EHBP1: variants seen among roughly 807,000 people sequenced by gnomAD.
EHBP1 encodes the protein EH domain-binding protein 1.
A neutral mutation model predicts 144.0 loss-of-function variants in EHBP1; 55 were observed. The observed-to-expected ratio is 0.38, with a 90% confidence interval of 0.31 to 0.48. The LOEUF (loss-of-function observed/expected upper bound fraction) is 0.48. EHBP1 is among the 20% of genes least tolerant of loss of function. EHBP1 has a pLI of 0.98. For synonymous variants in EHBP1, 469 were observed against 472.7 expected (o/e 0.99, Z 0.10); for missense variants, 1,200 against 1,364.2 (o/e 0.88, Z 1.90).
At chr2:62,738,409 C>T (rs995205494) in intron 2 of EHBP1, among the ~76,000 whole-genome samples, 10 of 152,138 alleles carry the variant, frequency 6.6e-5, no homozygotes, top group Non-Finnish European at 1.3e-4. Context: ...GTCCTTCCCG[C>T]ACCTTCCCTT....
intron 15 of EHBP1, among the ~76,000 whole-genome samples, chr2:62,980,610 C>T (rs1380566206): frequency 6.6e-6 from 1 of 152,040 alleles, no homozygotes. Context: ...TCTTCCATCT[C>T]ATAAATTTGA....
rs573047037 is a variant in EHBP1, at chr2:62,878,853, A to G, written c.1185+4321A>G. 9.2e-5 allele frequency among the ~76,000 whole-genome samples: 14 copies of G among 152,096 alleles called. No individual in the cohort carries two copies. In the South Asian group the frequency reaches 2.7e-3, roughly 29 times the overall value. On this transcript the variant is annotated intron_variant, in intron 10 of 22. Transcript: ENST00000431489. ...GAGAAATTGAAATTTCACCGTCTCT[A>G]CTAAAAATGCAAAAATTAGCCAGGT... is the stretch of plus-strand genomic sequence containing the variant.
chr2:62,866,978 T>G (rs1231983869), intron 9 of EHBP1, among the ~76,000 whole-genome samples: 1 of 151,986 alleles, frequency 6.6e-6, no homozygotes, highest in Non-Finnish European at 1.5e-5. Flanking sequence ...CTTAAAGGAC[T>G]GAAGGAAAAG....
chr2:63,014,053 C>T (rs1167182635), intron 19 of EHBP1, among the ~76,000 whole-genome samples: 1 of 152,192 alleles, frequency 6.6e-6, no homozygotes, highest in Non-Finnish European at 1.5e-5. Flanking sequence ...AAGTACTCCG[C>T]ATTAGCAGTT....
chr2:62,845,382 G>C (rs889711720), intron 7 of EHBP1, among the ~76,000 whole-genome samples: 4 of 152,150 alleles, frequency 2.6e-5, no homozygotes, highest in Non-Finnish European at 5.9e-5. Flanking sequence ...AAGGAAGAGA[G>C]AGTGACATAT....
At chr2:62,737,797 T>C (rs1024491343) in intron 2 of EHBP1, among the ~76,000 whole-genome samples, 2 of 152,154 alleles carry the variant, frequency 1.3e-5, no homozygotes, top group African/African-American at 4.8e-5. Flanking sequence ...AGGGTCTTGC[T>C]TTGTCAGCCA....
At chr2:62,987,729 A>C (rs1018063670) in intron 15 of EHBP1, among the ~76,000 whole-genome samples, 66 of 152,276 alleles carry the variant, frequency 4.3e-4, no homozygotes, top group African/African-American at 1.5e-3. Flanking sequence ...GTGATAATTC[A>C]TGTTTGACAT....
chr2:62,744,732 AT>A (rs141316559), intron 2 of EHBP1, among the ~76,000 whole-genome samples: 1 of 152,002 alleles, frequency 6.6e-6, no homozygotes, highest in South Asian at 2.1e-4. Context: ...AAAAGCTTTC[AT>A]TTTCTGAAGC....
chr2:62,822,085 A>T lies in EHBP1; in HGVS notation c.313-4002A>T, dbSNP rs546845831. Among the ~76,000 whole-genome samples the T allele has an allele frequency of 3.3e-5, 5 of 152,296 alleles. No individual in the cohort carries two copies. In the South Asian group the frequency reaches 1.0e-3, roughly 32 times the overall value. ...TAGGTCTTATTCATTCATTCTAACC[A>T]AAAGTTTTTTTTTAACGATGTTTAA... On this transcript the variant is annotated intron_variant, in intron 5 of 22. Coordinates refer to ENST00000431489, the MANE Select transcript of EHBP1 (RefSeq NM_001142616.3).
intron 2 of EHBP1, among the ~76,000 whole-genome samples, chr2:62,711,257 T>G (rs2035121122): frequency 6.6e-6 from 1 of 152,240 alleles, no homozygotes; most frequent in African/African-American, 2.4e-5. Flanking sequence ...CAGTGAGTTT[T>G]GACAATTTTA....
In EHBP1 at chr2:62,943,941, G is replaced by C. The variant is rs1003721727; in HGVS notation, c.1413+91G>C. ...TTTGGAGAAAGTGAGGCAGTTTTAT[G>C]AGGTCATAACTACAACTCACAGAGG... On this transcript the variant is annotated intron_variant, in intron 12 of 22. Transcript: ENST00000431489. 10 of 910,702 alleles carry C rather than the reference G, an allele frequency of 1.1e-5. No homozygotes were observed. The African/African-American group carries it at 1.7e-4, about 15-fold the overall frequency. The allele number at this position is 910,702 out of a possible 1,614,324, so 56.4% of individuals were successfully genotyped here.
chr2:62,943,951 C>T (rs1209583376), intron 12 of EHBP1, 101 bp downstream of exon 12: 4 of 749,070 alleles, frequency 5.3e-6, no homozygotes, highest in Non-Finnish European at 6.6e-6. Context: ...GAGGTCATAA[C>T]TACAACTCAC....
chr2:62,678,526 C>T (rs1286799323), intron 1 of EHBP1, among the ~76,000 whole-genome samples: 1 of 152,074 alleles, frequency 6.6e-6, no homozygotes, highest in Non-Finnish European at 1.5e-5. Flanking sequence ...CTAGGGCCAG[C>T]ATTAGAGAAT....
intron 19 of EHBP1, among the ~76,000 whole-genome samples, chr2:63,006,050 G>T (rs114782543): frequency 6.6e-6 from 1 of 152,034 alleles, no homozygotes; most frequent in African/African-American, 2.4e-5. Context: ...AGCTTTCCTA[G>T]ATCATCCCAC....
intron 14 of EHBP1, among the ~76,000 whole-genome samples, chr2:62,963,289 T>G (rs2058086508): frequency 1.3e-5 from 2 of 152,158 alleles, no homozygotes; most frequent in South Asian, 4.1e-4. Flanking sequence ...ACTTTTGATG[T>G]TGATTGGAAA....
chr2:62,858,571 A>T, intron 7 of EHBP1: 1 of 1,058,348 alleles, frequency 9.4e-7, no homozygotes, highest in African/African-American at 1.6e-5. Flanking sequence ...GTGACCTGCT[A>T]CCTCTTGACT....
In EHBP1 at chr2:62,711,711, A is replaced by G. The variant is rs184362655; in HGVS notation, c.104+4416A>G. Among the ~76,000 whole-genome samples, 385 of 152,270 alleles carry G rather than the reference A, an allele frequency of 2.5e-3. 1 individual carries two copies. Among genetic ancestry groups the G allele is most frequent in the Non-Finnish European group, 3.6e-3 (246 of 68,010 alleles). On this transcript the variant is annotated intron_variant, in intron 2 of 22. Transcript: ENST00000431489. Reference sequence around the variant, plus strand: ...GAGGAGCCAACAAAGGAGACAGGAAACAAGCAGTAGTGAGATAGGAAAATT... The same window carrying G: ...GAGGAGCCAACAAAGGAGACAGGAAGCAAGCAGTAGTGAGATAGGAAAATT...
intron 2 of EHBP1, among the ~76,000 whole-genome samples, chr2:62,745,425 A>G (rs903085941): frequency 1.3e-5 from 2 of 151,998 alleles, no homozygotes; most frequent in African/African-American, 4.8e-5. Context: ...GACATGAGAA[A>G]TGGTCAGGGT....
At chr2:62,886,048 A>G (rs953246459) in intron 10 of EHBP1, among the ~76,000 whole-genome samples, 1 of 152,206 alleles carries the variant, frequency 6.6e-6, no homozygotes, top group South Asian at 2.1e-4. Flanking sequence ...GGTAAACTCA[A>G]AGTAACTCAC....
Sources: allele counts gnomAD v4.1 joint callset (sites outside exome capture counted in the v4.1 genomes callset), GRCh38; gene constraint gnomAD v4.1.1; transcripts MANE v1.5; gene names NCBI Gene and HGNC (gene_info 2026-07-23, HGNC 2026-07-21).